Variants in DNAJC1 observed in about 807,000 individuals in gnomAD.
DNAJC1 encodes dnaJ homolog subfamily C member 1.
DNAJC1 carries 58 observed loss-of-function variants against 76.6 expected under a neutral mutation model. The observed-to-expected ratio is 0.76, with a 90% CI of 0.61 to 0.94. The LOEUF is 0.94. Among genes scored for constraint, DNAJC1 ranks in the 40% least tolerant of loss-of-function variants. The probability of loss-of-function intolerance (pLI) is 0.00; values close to 1 mark genes in which losing one functional copy is unlikely to be tolerated. For missense variants in DNAJC1, 689 were observed against 677.3 expected (o/e 1.02, Z -0.19); for synonymous variants, 258 against 267.9 (o/e 0.96, Z 0.36).
intron 5 of DNAJC1, among the ~76,000 whole-genome samples, chr10:21,919,179 T>G (rs1027755036): frequency 6.6e-6 from 1 of 152,024 alleles, no homozygotes; most frequent in Non-Finnish European, 1.5e-5. Context: ...TTTTCATCAC[T>G]TTTGTACAAC....
chr10:21,969,407 C>T lies in DNAJC1; in HGVS notation c.222+33806G>A, dbSNP rs1263054932. On this transcript the variant is annotated intron_variant, in intron 1 of 11. Transcript: ENST00000376980. ...CTCATCATAATTGCAAAGTGGCTTACGAATTCAGCACCAGTGGTTCTTGAT... is the reference window on the plus strand; with the variant it reads ...CTCATCATAATTGCAAAGTGGCTTATGAATTCAGCACCAGTGGTTCTTGAT... 3.9e-5 allele frequency among the ~76,000 whole-genome samples: 6 copies of T among 152,198 alleles called. 2 individuals carry two copies. Among genetic ancestry groups the T allele is most frequent in the South Asian group, 2.1e-4 (1 of 4,820 alleles).
intron 1 of DNAJC1, 116 bp downstream of exon 1, chr10:22,003,097 C>T: frequency 7.5e-7 from 1 of 1,330,896 alleles, no homozygotes; most frequent in East Asian, 3.1e-5. Flanking sequence ...CTGAGGGCAG[C>T]CAGAGCCCGG....
At chr10:21,783,792 G>C (rs1834567133) in intron 9 of DNAJC1, among the ~76,000 whole-genome samples, 1 of 152,134 alleles carries the variant, frequency 6.6e-6, no homozygotes, top group Non-Finnish European at 1.5e-5. Flanking sequence ...ACAAAAACAA[G>C]AAATGGGGAA....
chr10:21,918,408 A>C (rs1022118012), intron 6 of DNAJC1, among the ~76,000 whole-genome samples: 7 of 144,258 alleles, frequency 4.9e-5, no homozygotes, highest in Non-Finnish European at 1.1e-4. Flanking sequence ...CTATGTACTT[A>C]AATGCTATTA....
chr10:21,766,118 C>T, intron 10 of DNAJC1, 143 bp downstream of exon 10: 4 of 690,326 alleles, frequency 5.8e-6, no homozygotes, highest in East Asian at 2.5e-5. Flanking sequence ...GCCCGTATTT[C>T]AACCCTTTTT....
At chr10:21,791,633 G>A (rs576731983) in intron 9 of DNAJC1, among the ~76,000 whole-genome samples, 23 of 152,084 alleles carry the variant, frequency 1.5e-4, no homozygotes, top group African/African-American at 5.5e-4. Context: ...ATGTGCTCCT[G>A]AACGACCAAT....
chr10:21,986,950 T>C (rs1415206291), intron 1 of DNAJC1, among the ~76,000 whole-genome samples: 1 of 152,112 alleles, frequency 6.6e-6, no homozygotes, highest in Non-Finnish European at 1.5e-5. Context: ...GTATTTTTAG[T>C]AGAGACGGGG....
At chr10:21,895,684 T>G (rs543615362) in intron 7 of DNAJC1, among the ~76,000 whole-genome samples, 2 of 152,124 alleles carry the variant, frequency 1.3e-5, no homozygotes, top group Non-Finnish European at 2.9e-5. Context: ...TAAGGAGATT[T>G]AATATGAATA....
chr10:21,803,650 T>C (rs1411708179), intron 9 of DNAJC1: 2 of 159,454 alleles, frequency 1.3e-5, no homozygotes, highest in South Asian at 2.0e-4. Context: ...TGTGTGGACA[T>C]ATGCATGTGT....
At chr10:21,831,789 C>CA (rs141184526) in intron 8 of DNAJC1, among the ~76,000 whole-genome samples, 73,618 of 111,138 alleles carry the variant, frequency 0.66, 23,624 homozygotes, top group East Asian at 0.89. Flanking sequence ...GACTCCATCT[C>CA]AAAAAAAAAA....
chr10:21,844,137 T>C (rs1343962266), intron 8 of DNAJC1, among the ~76,000 whole-genome samples: 1 of 152,170 alleles, frequency 6.6e-6, no homozygotes, highest in African/African-American at 2.4e-5. Context: ...GAACTGTAAG[T>C]CAATTAAACC....
At chr10:21,762,218 T>A (rs1834249559) in intron 10 of DNAJC1, among the ~76,000 whole-genome samples, 1 of 152,178 alleles carries the variant, frequency 6.6e-6, no homozygotes, top group Non-Finnish European at 1.5e-5. Flanking sequence ...ATTACAGGCA[T>A]GAGCCACCAC....
intron 8 of DNAJC1, among the ~76,000 whole-genome samples, chr10:21,839,074 C>T (rs1835524006): frequency 6.6e-6 from 1 of 152,158 alleles, no homozygotes; most frequent in Admixed American, 6.5e-5. Context: ...CTCAACATAC[C>T]AGAATCTCTG....
chr10:21,950,164 G>A (rs1360490737), intron 1 of DNAJC1, among the ~76,000 whole-genome samples: 1 of 151,940 alleles, frequency 6.6e-6, no homozygotes, highest in African/African-American at 2.4e-5. Context: ...CCAAATTGAA[G>A]GTTTGTGGCA....
intron 8 of DNAJC1, among the ~76,000 whole-genome samples, chr10:21,808,805 G>T (rs1279381932): frequency 2.6e-5 from 4 of 152,136 alleles, no homozygotes; most frequent in African/African-American, 9.7e-5. Flanking sequence ...CAATCTTACC[G>T]AAACACCGGG....
At chr10:21,909,420 A>G (rs1836816522) in intron 6 of DNAJC1, among the ~76,000 whole-genome samples, 1 of 152,244 alleles carries the variant, frequency 6.6e-6, no homozygotes, top group Non-Finnish European at 1.5e-5. Context: ...ATTATATAAG[A>G]TACAACAGTT....
chr10:21,883,584 T>C lies in DNAJC1; in HGVS notation c.821-1145A>G, dbSNP rs1318966148. ...AACATCCTTAATTAGAAAATGCATT[T>C]AATAAAACTAACTTCATGGCTTAGC... On this transcript the variant is annotated intron_variant, in intron 7 of 11. Coordinates refer to ENST00000376980, the MANE Select transcript of DNAJC1 (RefSeq NM_022365.4). 2.0e-5 allele frequency among the ~76,000 whole-genome samples: 3 copies of C among 152,178 alleles called. No individual in the cohort carries two copies. The East Asian group carries it at 5.8e-4, about 29-fold the overall frequency.
At chr10:21,998,053 G>C (rs1050051097) in intron 1 of DNAJC1, among the ~76,000 whole-genome samples, 4 of 152,032 alleles carry the variant, frequency 2.6e-5, no homozygotes, top group African/African-American at 9.7e-5. Context: ...TAGAATTACT[G>C]TATACAAAGG....
At chr10:21,845,225 C>T (rs187057556) in intron 8 of DNAJC1, among the ~76,000 whole-genome samples, 3 of 151,904 alleles carry the variant, frequency 2.0e-5, no homozygotes, top group Non-Finnish European at 2.9e-5. Context: ...TTGTTTGTCT[C>T]GTGTGCCATT....
Sources: allele counts gnomAD v4.1 joint callset (sites outside exome capture counted in the v4.1 genomes callset), GRCh38; gene constraint gnomAD v4.1.1; transcripts MANE v1.5; gene names NCBI Gene and HGNC (gene_info 2026-07-23, HGNC 2026-07-21).